Variants in FGF12 observed in about 807,000 individuals in gnomAD.
The protein encoded by FGF12 is fibroblast growth factor 12, also known as fibroblast growth factor 12B.
A neutral mutation model predicts 23.6 loss-of-function variants in FGF12; 14 were observed. That is an observed-to-expected ratio of 0.59 (90% CI 0.39 to 0.93). FGF12 has a LOEUF of 0.93. Ranked by LOEUF, FGF12 falls within the 40% of genes least tolerant of loss-of-function variation. The pLI is 0.00. For synonymous variants in FGF12, 62 were observed against 77.3 expected (o/e 0.80, Z 1.04); for missense variants, 175 against 217.8 (o/e 0.80, Z 1.24).
chr3:192,373,812 C>G (rs1433823052), intron 2 of FGF12, among the ~76,000 whole-genome samples: 1 of 152,036 alleles, frequency 6.6e-6, no homozygotes, highest in Non-Finnish European at 1.5e-5. Context: ...GACAAAGTGC[C>G]AGGACAATAC....
At chr3:192,216,241 G>T (rs1319411663) in intron 4 of FGF12, among the ~76,000 whole-genome samples, 1 of 152,100 alleles carries the variant, frequency 6.6e-6, no homozygotes, top group African/African-American at 2.4e-5. Flanking sequence ...GCACAAAGAA[G>T]TATTATTAAA....
chr3:192,605,380 A>T (rs1481261223), intron 2 of FGF12, among the ~76,000 whole-genome samples: 1 of 35,582 alleles, frequency 2.8e-5, no homozygotes. Flanking sequence ...ACTCCGTCTC[A>T]AAAAAAAAAA....
intron 2 of FGF12, among the ~76,000 whole-genome samples, chr3:192,398,306 TCA>T (rs1438055103): frequency 6.6e-6 from 1 of 152,078 alleles, no homozygotes; most frequent in Non-Finnish European, 1.5e-5. Flanking sequence ...ATGTTCCCAG[TCA>T]CAAATGTTTT....
At chr3:192,552,326 G>A (rs1489567640) in intron 2 of FGF12, among the ~76,000 whole-genome samples, 1 of 152,012 alleles carries the variant, frequency 6.6e-6, no homozygotes, top group East Asian at 1.9e-4. Flanking sequence ...AAAGGAGACG[G>A]AGGAGGAGAA....
intron 4 of FGF12, among the ~76,000 whole-genome samples, chr3:192,208,895 G>A (rs1434446399): frequency 1.3e-5 from 2 of 152,204 alleles, no homozygotes; most frequent in East Asian, 3.8e-4. Context: ...TGTAGTATTA[G>A]TGTTCCTTGT....
chr3:192,266,286 T>C (rs1375885919), intron 4 of FGF12, among the ~76,000 whole-genome samples: 3 of 152,176 alleles, frequency 2.0e-5, no homozygotes, highest in African/African-American at 4.8e-5. Context: ...TTATTTCTTA[T>C]GAATTTCATG....
intron 2 of FGF12, among the ~76,000 whole-genome samples, chr3:192,415,649 T>C (rs1721324230): frequency 1.3e-5 from 2 of 151,718 alleles, no homozygotes; most frequent in African/African-American, 4.8e-5. Flanking sequence ...GGGTACATGG[T>C]ACCTAGGTTT....
At chr3:192,375,747 C>A (rs1471724640) in intron 2 of FGF12, among the ~76,000 whole-genome samples, 1 of 151,594 alleles carries the variant, frequency 6.6e-6, no homozygotes, top group Non-Finnish European at 1.5e-5. Flanking sequence ...CAGTGTTTGG[C>A]ATTACATTTG....
chr3:192,660,709 T>C (rs969524088), intron 2 of FGF12, among the ~76,000 whole-genome samples: 8 of 152,134 alleles, frequency 5.3e-5, no homozygotes, highest in Non-Finnish European at 1.0e-4. Context: ...AAGCAGGAGA[T>C]ACTTCCTTAT....
chr3:192,290,246 A>C lies in FGF12; in HGVS notation c.228+45115T>G, dbSNP rs577374668. Among the ~76,000 whole-genome samples the C allele has an allele frequency of 9.9e-5, 15 of 152,278 alleles. No individual in the cohort carries two copies. In the East Asian group the frequency reaches 2.9e-3, roughly 29 times the overall value. On this transcript the variant is annotated intron_variant, in intron 4 of 5. Transcript: ENST00000445105. ...GATGATAAATATGTTAATTAGTTTG[A>C]CTTATTCCACTTTGTACATATATAT...
chr3:192,377,119 C>A (rs1156594960), intron 2 of FGF12, among the ~76,000 whole-genome samples: 1 of 152,202 alleles, frequency 6.6e-6, no homozygotes. Flanking sequence ...CACTTTCCAC[C>A]CATTGCCCTA....
rs139706917 is a variant in FGF12 at position 192,225,134 on chromosome 3, C to T, written c.229-54478G>A. Among the ~76,000 whole-genome samples the T allele has an allele frequency of 3.5e-4, 54 of 152,160 alleles. 2 individuals carry two copies. In the East Asian group the frequency reaches 9.5e-3, roughly 27 times the overall value. ...TATCATTAGCCACTTAACATCTCCC[C>T]CTGGATATTCTGCCAGCAAGTCTGT... On this transcript the variant is annotated intron_variant, in intron 4 of 5. Coordinates refer to ENST00000445105, the MANE Select transcript of FGF12 (RefSeq NM_004113.6).
At chr3:192,163,709 T>C (rs1303054102) in intron 5 of FGF12, among the ~76,000 whole-genome samples, 1 of 152,142 alleles carries the variant, frequency 6.6e-6, no homozygotes, top group Admixed American at 6.6e-5. Flanking sequence ...ATGGTTCTGG[T>C]ACTGATGTTT....
At chr3:192,720,065 T>A (rs529639624) in intron 2 of FGF12, among the ~76,000 whole-genome samples, 20 of 152,368 alleles carry the variant, frequency 1.3e-4, no homozygotes, top group South Asian at 8.3e-4. Context: ...TGCATTTAGT[T>A]ATCTTCTGAA....
chr3:192,179,096 G>C (rs375942829), intron 4 of FGF12, among the ~76,000 whole-genome samples: 17 of 152,034 alleles, frequency 1.1e-4, no homozygotes, highest in African/African-American at 3.4e-4. Context: ...AATCAAGCAA[G>C]AGAAATATTG....
intron 2 of FGF12, among the ~76,000 whole-genome samples, chr3:192,386,919 T>C (rs1720068798): frequency 6.6e-6 from 1 of 152,244 alleles, no homozygotes; most frequent in South Asian, 2.1e-4. Flanking sequence ...TTATATACTT[T>C]ATTGTTAAAA....
rs753648486 is a variant in FGF12 at position 192,360,413 on chromosome 3, G to C, written c.124+15C>G. The stretch of plus-strand genomic sequence containing the variant: ...TTGATTTGTAATCAGATTGTAAGAA[G>C]CTAATGTTTCTTACTGTAGTCGCTG... On this transcript the variant is annotated intron_variant, in intron 3 of 5. Coordinates refer to ENST00000445105, the MANE Select transcript of FGF12 (RefSeq NM_004113.6). This position sits in a 1 kb window ranked among gnomAD's most constrained non-coding sequence, Gnocchi z 4.3. The C allele has an allele frequency of 8.0e-6, 12 of 1,501,900 alleles. No homozygotes were observed. In the Admixed American group the frequency reaches 1.8e-4, roughly 23 times the overall value. 93.0% of individuals were successfully genotyped at this position (1,501,900 alleles called of 1,614,324 possible).
chr3:192,259,595 T>A (rs1712614673), intron 4 of FGF12, among the ~76,000 whole-genome samples: 1 of 152,152 alleles, frequency 6.6e-6, no homozygotes, highest in Admixed American at 6.6e-5. Context: ...AAAAAATGTT[T>A]TAGGAAATGT....
chr3:192,511,273 C>T (rs1178576679), intron 2 of FGF12, among the ~76,000 whole-genome samples: 1 of 151,872 alleles, frequency 6.6e-6, no homozygotes, highest in Non-Finnish European at 1.5e-5. Context: ...ATTACTACTA[C>T]TGTAGGGACC....
Sources: allele counts gnomAD v4.1 joint callset (sites outside exome capture counted in the v4.1 genomes callset), GRCh38; gene constraint gnomAD v4.1.1; non-coding constraint Gnocchi (gnomAD v3.1); transcripts MANE v1.5; gene names NCBI Gene and HGNC (gene_info 2026-07-23, HGNC 2026-07-21).